Variants in ATRN observed in about 807,000 individuals in gnomAD.
The protein encoded by ATRN is attractin, also known as attractin-2.
Under a neutral mutation model 178.7 loss-of-function variants are expected in ATRN, and 54 were observed. The observed-to-expected ratio is 0.30, with a 90% CI of 0.24 to 0.38. ATRN has a LOEUF of 0.38. Ranked by LOEUF, ATRN falls within the 10% of genes least tolerant of loss-of-function variation. The probability of loss-of-function intolerance (pLI) is 1.00; values close to 1 mark genes in which losing one functional copy is unlikely to be tolerated. For synonymous variants in ATRN, 636 were observed against 663.0 expected (o/e 0.96, Z 0.63); for missense variants, 1,443 against 1,815.1 (o/e 0.79, Z 3.73).
At chr20:3,646,154 G>T (rs2087106419) in intron 28 of ATRN, among the ~76,000 whole-genome samples, 1 of 152,110 alleles carries the variant, frequency 6.6e-6, no homozygotes, top group East Asian at 1.9e-4. Context: ...TGAGGTGCAG[G>T]GAGGTTAAAG....
intron 14 of ATRN, 90 bp downstream of exon 14, chr20:3,577,087 G>A: frequency 6.7e-7 from 1 of 1,491,424 alleles, no homozygotes; most frequent in Non-Finnish European, 9.0e-7. Context: ...GAACCTAGCA[G>A]AGGGGAAGAG....
chr20:3,541,670 A>G (rs1200728162), intron 3 of ATRN, among the ~76,000 whole-genome samples: 2 of 152,194 alleles, frequency 1.3e-5, no homozygotes, highest in African/African-American at 2.4e-5. Context: ...CAGTATTACA[A>G]TCTCATGCAA....
intron 1 of ATRN, among the ~76,000 whole-genome samples, chr20:3,484,079 C>G (rs556592218): frequency 1.3e-4 from 20 of 152,108 alleles, no homozygotes; most frequent in African/African-American, 4.6e-4. Context: ...GAGACCCCAT[C>G]TCTATAAAAA....
intron 8 of ATRN, 40 bp from the exon 9 acceptor site, chr20:3,562,236 G>C: frequency 6.5e-7 from 1 of 1,548,244 alleles, no homozygotes; most frequent in Non-Finnish European, 8.8e-7. Flanking sequence ...TAGAGAGGAG[G>C]AGCCTGCCAT....
chr20:3,601,474 T>C (rs1213517109), intron 23 of ATRN, among the ~76,000 whole-genome samples: 1 of 152,182 alleles, frequency 6.6e-6, no homozygotes, highest in Admixed American at 6.5e-5. Flanking sequence ...CAGAGAAATG[T>C]AACTTGGGAA....
At chr20:3,593,482 A>C (rs960040183) in intron 19 of ATRN, among the ~76,000 whole-genome samples, 7 of 152,204 alleles carry the variant, frequency 4.6e-5, no homozygotes, top group Non-Finnish European at 1.0e-4. Flanking sequence ...GCTGAAACTC[A>C]GAAAGGTTAA....
At chr20:3,637,124 A>G (rs2087031319) in intron 26 of ATRN, among the ~76,000 whole-genome samples, 1 of 152,250 alleles carries the variant, frequency 6.6e-6, no homozygotes, top group Admixed American at 6.5e-5. Flanking sequence ...GGAGTTGGTC[A>G]TCTAATAAAC....
At chr20:3,530,346 C>T (rs2085435467) in intron 1 of ATRN, among the ~76,000 whole-genome samples, 1 of 150,576 alleles carries the variant, frequency 6.6e-6, no homozygotes, top group African/African-American at 2.4e-5. Flanking sequence ...TCACTGCAGC[C>T]TCTGCCCCAC....
At chr20:3,563,154 T>C (rs2085978435) in intron 9 of ATRN, 55 bp from the exon 10 acceptor site, 1 of 1,505,726 alleles carries the variant, frequency 6.6e-7, no homozygotes. Context: ...AGCAGATACA[T>C]AAATATTCTT....
chr20:3,578,906 C>A, intron 15 of ATRN, 134 bp downstream of exon 15: 1 of 743,164 alleles, frequency 1.3e-6, no homozygotes, highest in Non-Finnish European at 2.1e-6. Context: ...GTGAACGCAG[C>A]CTGAGGGACT....
chr20:3,483,970 C>T (rs1027811744), intron 1 of ATRN, among the ~76,000 whole-genome samples: 28 of 151,840 alleles, frequency 1.8e-4, no homozygotes, highest in African/African-American at 5.6e-4. Context: ...TACATGAGGC[C>T]GGGCATGATG....
chr20:3,638,998 G>C lies in ATRN; in HGVS notation c.4050+63G>C. ...TTTAAAACTTAGGCTCCTAAGTCTG[G>C]GAAACCAGAGAGAGCAAAAGCCCTA... On this transcript the variant is annotated intron_variant, in intron 27 of 28. Transcript: ENST00000262919. This position sits in a 1 kb window ranked among gnomAD's most constrained non-coding sequence, Gnocchi z 4.5. 7.5e-7 allele frequency: 1 copy of C among 1,333,912 alleles called. No individual in the cohort carries two copies. 82.6% of individuals were successfully genotyped at this position (1,333,912 alleles called of 1,614,324 possible).
At position 3,646,723 on chromosome 20, in the gene ATRN, G is replaced by A; in HGVS notation, c.4166G>A (p.Gly1389Asp). 1 of 1,599,732 alleles carries A rather than the reference G, an allele frequency of 6.3e-7. No individual in the cohort carries two copies. The change falls in exon 29 of 29, where the codon GGT becomes GAT. Residue 1389 changes from glycine (G) to aspartate (D), a missense_variant and splice_region_variant. By Grantham distance (94) the Gly-to-Asp change is moderately conservative. Coordinates refer to ENST00000262919, the MANE Select transcript of ATRN (RefSeq NM_139321.3). ...ATGTTCTCTCTGTGGTTCTCCCAAG[G>A]TCTTGCTGTGGCCAGCGCCCTGGTG... ...LGGIPPPGQS[G>D]LAVASALVDI...
In ATRN at chr20:3,607,140, TTA is replaced by T. The variant is rs554469863; in HGVS notation, c.3801+2880_3801+2881del. Among the ~76,000 whole-genome samples the T allele has an allele frequency of 6.8e-4, 103 of 152,360 alleles. No individual in the cohort carries two copies. In the South Asian group the frequency reaches 0.02, roughly 30 times the overall value. On this transcript the variant is annotated intron_variant, in intron 24 of 28. Coordinates refer to ENST00000262919, the MANE Select transcript of ATRN (RefSeq NM_139321.3). The stretch of plus-strand genomic sequence containing the variant: ...TAAATTGATACATAATTGTACGTAT[TTA>T]TGAGGTACATGAGATATTTTGATAC...
chr20:3,552,664 C>A (rs2085806969), intron 6 of ATRN, among the ~76,000 whole-genome samples: 2 of 152,230 alleles, frequency 1.3e-5, no homozygotes, highest in Admixed American at 1.3e-4. Flanking sequence ...GCATTCTCAT[C>A]TAGAGGCCTG....
intron 1 of ATRN, among the ~76,000 whole-genome samples, chr20:3,534,513 A>T (rs1345207662): frequency 6.6e-6 from 1 of 152,166 alleles, no homozygotes; most frequent in African/African-American, 2.4e-5. Flanking sequence ...TCTTTAGTGC[A>T]TTAGGAGTAG....
intron 1 of ATRN, among the ~76,000 whole-genome samples, chr20:3,498,913 T>C (rs1289558406): frequency 2.2e-5 from 3 of 135,864 alleles, no homozygotes; most frequent in Non-Finnish European, 4.8e-5. Flanking sequence ...GCAGATGACA[T>C]GATTGTATAT....
At chr20:3,639,673 C>T (rs1049179878) in intron 27 of ATRN, among the ~76,000 whole-genome samples, 7 of 152,104 alleles carry the variant, frequency 4.6e-5, no homozygotes, top group African/African-American at 1.7e-4. Context: ...AATGGTAAGA[C>T]TTTCTCCTTG....
At chr20:3,566,267 C>T (rs1465722210) in intron 11 of ATRN, among the ~76,000 whole-genome samples, 1 of 152,096 alleles carries the variant, frequency 6.6e-6, no homozygotes, top group African/African-American at 2.4e-5. Context: ...TGCATTTTAT[C>T]GCTCAAAAAT....
Sources: gnomAD v4.1 joint callset for allele counts (sites outside exome capture counted in the v4.1 genomes callset) on GRCh38, gnomAD v4.1.1 for gene constraint, Gnocchi (gnomAD v3.1) non-coding constraint, MANE v1.5 for transcripts, NCBI Gene and HGNC (gene_info 2026-07-23, HGNC 2026-07-21) for gene names.